Variants in WASF2 observed in about 807,000 individuals in gnomAD.
WASF2 encodes actin-binding protein WASF2.
WASF2 carries 14 observed loss-of-function variants against 45.0 expected under a neutral mutation model. The ratio of observed to expected loss-of-function variants is 0.31; its 90% CI spans 0.21 to 0.49. The LOEUF (loss-of-function observed/expected upper bound fraction) is 0.49, where lower values mean the gene tolerates loss of function less well. WASF2 is among the 20% of genes least tolerant of loss of function. The pLI is 0.99. For missense variants in WASF2, 439 were observed against 636.1 expected (o/e 0.69, Z 3.33); for synonymous variants, 200 against 236.3 (o/e 0.85, Z 1.41).
chr1:27,486,637 G>T (rs2017929603), intron 1 of WASF2, among the ~76,000 whole-genome samples: 1 of 152,038 alleles, frequency 6.6e-6, no homozygotes. Flanking sequence ...TATAGCTAAA[G>T]ACTCAGCTGG....
At position 27,426,451 on chromosome 1, in the gene WASF2, G is replaced by T. The variant is rs188283756; in HGVS notation, c.130+2310C>A. The stretch of plus-strand genomic sequence containing the variant: ...GACAGAGCTGAGAAATCTGTAGGAA[G>T]TCTGAGTTTAAACAGTGACTTTGCC... On this transcript the variant is annotated intron_variant, in intron 2 of 8. Coordinates refer to ENST00000618852, the MANE Select transcript of WASF2 (RefSeq NM_006990.5). Among the ~76,000 whole-genome samples, 160 of 152,030 alleles carry T rather than the reference G, an allele frequency of 1.1e-3. 1 individual carries two copies. Among genetic ancestry groups the T allele is most frequent in the Non-Finnish European group, 1.9e-3 (128 of 67,992 alleles).
intron 4 of WASF2, 33 bp downstream of exon 4, chr1:27,418,236 G>C: frequency 6.3e-7 from 1 of 1,598,150 alleles, no homozygotes; most frequent in Non-Finnish European, 8.5e-7. Context: ...TTAAACCATA[G>C]GTTGAAAAAG....
intron 1 of WASF2, among the ~76,000 whole-genome samples, chr1:27,482,574 A>G (rs1221572175): frequency 1.3e-5 from 2 of 152,228 alleles, no homozygotes; most frequent in African/African-American, 4.8e-5. Flanking sequence ...TCTTTACTCT[A>G]TGTAATCTTA....
chr1:27,452,553 G>A (rs150962022), intron 1 of WASF2, among the ~76,000 whole-genome samples: 2,828 of 151,058 alleles, frequency 0.019, 86 homozygotes, highest in African/African-American at 0.064. Flanking sequence ...GCGGTGGCTC[G>A]TGCCTGTAAT....
rs531367931 is a variant in WASF2, at chr1:27,487,450, AATAT to A, written c.-44+2532_-44+2535del. Among the ~76,000 whole-genome samples the A allele has an allele frequency of 9.7e-3, 1,178 of 121,118 alleles. 21 individuals are homozygous for A. The highest frequency in any genetic ancestry group is 0.034 in the African/African-American group (1,069 of 31,484). 79.5% of individuals were successfully genotyped at this position (121,118 alleles called of 152,430 possible). On this transcript the variant is annotated intron_variant, in intron 1 of 8. Coordinates refer to ENST00000618852, the MANE Select transcript of WASF2 (RefSeq NM_006990.5). ...TATATTTAATATATATACAAATATA[AATAT>A]ATATTTATATAAATATATTTTATAT...
intron 1 of WASF2, among the ~76,000 whole-genome samples, chr1:27,437,105 T>TG (rs2017148319): frequency 6.6e-6 from 1 of 152,212 alleles, no homozygotes; most frequent in Admixed American, 6.5e-5. Context: ...TATTATCTTT[T>TG]GGGGGCAATA....
At chr1:27,454,237 C>G (rs1439134482) in intron 1 of WASF2, among the ~76,000 whole-genome samples, 1 of 137,116 alleles carries the variant, frequency 7.3e-6, no homozygotes, top group African/African-American at 2.8e-5. Context: ...CTTTGTTGTC[C>G]AGACTGGAAT....
chr1:27,486,888 C>T (rs530689819), intron 1 of WASF2, among the ~76,000 whole-genome samples: 175 of 150,948 alleles, frequency 1.2e-3, no homozygotes, highest in Middle Eastern at 6.9e-3. Flanking sequence ...CACGCCACTG[C>T]CCTCCAGCCT....
chr1:27,412,567 T>A lies in WASF2; in HGVS notation c.824+5A>T, dbSNP rs202229617. ...ATAGTGGATGGAGTAGGTACCACCA[T>A]TTACCTGAATTCTGCTGGTGGAGGA... On this transcript the variant is annotated splice_donor_5th_base_variant and intron_variant, in intron 7 of 8. Transcript: ENST00000618852. The A allele has an allele frequency of 6.2e-7, 1 of 1,614,152 alleles. No homozygotes were observed. Among genetic ancestry groups the A allele is most frequent in the Non-Finnish European group, 8.5e-7 (1 of 1,180,008 alleles).
intron 1 of WASF2, among the ~76,000 whole-genome samples, chr1:27,457,591 T>C (rs930557330): frequency 6.6e-6 from 1 of 151,226 alleles, no homozygotes; most frequent in Non-Finnish European, 1.5e-5. Context: ...AATCCAGACA[T>C]AAAGATCTGG....
At chr1:27,440,260 A>G (rs1398454957) in intron 1 of WASF2, among the ~76,000 whole-genome samples, 1 of 152,218 alleles carries the variant, frequency 6.6e-6, no homozygotes, top group African/African-American at 2.4e-5. Flanking sequence ...ATGGTGGCTC[A>G]TGCCTATAAT....
At position 27,416,073 on chromosome 1, in the gene WASF2, T is replaced by C. The variant is rs1203319453; in HGVS notation, c.449A>G (p.Tyr150Cys). ...ATCAAAGAAGTATGAAGGGTCTGTG[T>C]AGAATTTGAGTGCCTCTTTTCCATC... ...RDDGKEALKF[Y>C]TDPSYFFDLW... The change falls in exon 5 of 9, where the codon TAC becomes TGC. Residue 150 changes from tyrosine to cysteine, a missense_variant. Tyr to Cys is a radical substitution (Grantham distance 194). Coordinates refer to ENST00000618852, the MANE Select transcript of WASF2 (RefSeq NM_006990.5). 1 of 1,613,982 alleles carries C rather than the reference T, an allele frequency of 6.2e-7. No homozygotes were observed. Among genetic ancestry groups the C allele is most frequent in the Non-Finnish European group, 8.5e-7 (1 of 1,179,980 alleles).
intron 1 of WASF2, among the ~76,000 whole-genome samples, chr1:27,430,945 G>A (rs2017053318): frequency 6.6e-6 from 1 of 151,730 alleles, no homozygotes; most frequent in Non-Finnish European, 1.5e-5. Context: ...CTGACCAAAA[G>A]AGAAAAAAAA....
chr1:27,442,772 G>A (rs1298853939), intron 1 of WASF2, among the ~76,000 whole-genome samples: 2 of 151,770 alleles, frequency 1.3e-5, no homozygotes, highest in African/African-American at 4.8e-5. Context: ...GGGGGCCGAG[G>A]TGGGCGGATC....
chr1:27,483,300 T>C (rs1178184444), intron 1 of WASF2, among the ~76,000 whole-genome samples: 1 of 152,000 alleles, frequency 6.6e-6, no homozygotes, highest in Non-Finnish European at 1.5e-5. Flanking sequence ...TGAAACCCCA[T>C]CTCTACTAAA....
chr1:27,433,473 T>C (rs74785545), intron 1 of WASF2, among the ~76,000 whole-genome samples: 3,944 of 152,322 alleles, frequency 0.026, 173 homozygotes, highest in African/African-American at 0.089. Flanking sequence ...AGCACCTTAC[T>C]GGTATAGTGC....
Position 27,414,939 on chromosome 1 carries a change from G to T in WASF2, c.562C>A (p.Arg188=), listed in dbSNP as rs2016807881. 6.2e-7 allele frequency: 1 copy of T among 1,614,030 alleles called. No homozygotes were observed. Among genetic ancestry groups the T allele is most frequent in the Non-Finnish European group, 8.5e-7 (1 of 1,179,960 alleles). Reference sequence around the variant, plus strand: ...ATTTTACGTGGGTTTACATTCCCTCGATTTGGATTATCTTTCTTTTCTTTC... The same window carrying T: ...ATTTTACGTGGGTTTACATTCCCTCTATTTGGATTATCTTTCTTTTCTTTC... The part of the protein sequence containing the change: ...HRKEKKDNPN[R]GNVNPRKIKT... Residue 188 remains arginine (R), a synonymous_variant, in exon 6 of 9, where the codon CGA becomes AGA. Coordinates refer to ENST00000618852, the MANE Select transcript of WASF2 (RefSeq NM_006990.5). The surrounding 1 kb of genome is among the most constrained non-coding windows in gnomAD (Gnocchi z 4.1).
At chr1:27,415,168 C>A (rs1217499417) in intron 5 of WASF2, among the ~76,000 whole-genome samples, 1 of 152,192 alleles carries the variant, frequency 6.6e-6, no homozygotes, top group Non-Finnish European at 1.5e-5. Flanking sequence ...TTTGCTCAAT[C>A]CCACACTCAA....
intron 1 of WASF2, among the ~76,000 whole-genome samples, chr1:27,446,643 T>A (rs777067162): frequency 3.3e-5 from 5 of 151,936 alleles, no homozygotes; most frequent in East Asian, 3.9e-4. Context: ...TAGCCAGGCG[T>A]GGTGGTGCAC....
Sources: allele counts gnomAD v4.1 joint callset (sites outside exome capture counted in the v4.1 genomes callset), GRCh38; gene constraint gnomAD v4.1.1; non-coding constraint Gnocchi (gnomAD v3.1); transcripts MANE v1.5; gene names NCBI Gene and HGNC (gene_info 2026-07-23, HGNC 2026-07-21).